TENM3: variants seen among roughly 807,000 people sequenced by gnomAD.
TENM3 encodes teneurin-3.
A neutral mutation model predicts 255.1 loss-of-function variants in TENM3; 63 were observed. The ratio of observed to expected loss-of-function variants is 0.25; its 90% CI spans 0.20 to 0.30. The LOEUF (loss-of-function observed/expected upper bound fraction) is 0.30, where lower values mean the gene tolerates loss of function less well. TENM3 is among the 10% of genes least tolerant of loss of function. TENM3 has a pLI of 1.00. For missense variants in TENM3, 2,929 were observed against 3,461.1 expected (o/e 0.85, Z 3.86); for synonymous variants, 1,306 against 1,322.3 (o/e 0.99, Z 0.27).
At chr4:181,537,363 C>T in the TENM3 span, among the ~76,000 whole-genome samples, 2 of 152,144 alleles carry the variant, frequency 1.3e-5, no homozygotes, top group African/African-American at 4.8e-5. Context: ...CTGTAATTTA[C>T]AAATGCCAGC....
the TENM3 span, among the ~76,000 whole-genome samples, chr4:181,616,459 A>G: frequency 3.0e-4 from 45 of 148,632 alleles, no homozygotes; most frequent in African/African-American, 1.0e-3. Context: ...ATAATGTAAT[A>G]TTATCCATAT....
chr4:181,542,489 G>A, the TENM3 span, among the ~76,000 whole-genome samples: 3 of 152,172 alleles, frequency 2.0e-5, no homozygotes, highest in African/African-American at 4.8e-5. Flanking sequence ...GGAGAAGTAA[G>A]GTTACCTGTT....
intron 24 of TENM3, among the ~76,000 whole-genome samples, chr4:182,786,551 C>T (rs922900078): frequency 8.5e-5 from 11 of 128,858 alleles, no homozygotes; most frequent in Admixed American, 5.5e-4. Context: ...AGTGAGACCC[C>T]GTCTTAAAAA....
the TENM3 span, chr4:182,012,610 G>A: frequency 6.6e-6 from 1 of 152,246 alleles, no homozygotes; most frequent in African/African-American, 2.4e-5. Flanking sequence ...TGCAACATGT[G>A]GTGGATAACA....
intron 12 of TENM3, among the ~76,000 whole-genome samples, chr4:182,689,468 T>C (rs566248400): frequency 1.5e-4 from 23 of 152,338 alleles, no homozygotes; most frequent in Non-Finnish European, 2.9e-4. Context: ...CTTACTGACA[T>C]CCTTGACATC....
the TENM3 span, among the ~76,000 whole-genome samples, chr4:182,066,717 T>G: frequency 6.6e-6 from 1 of 151,840 alleles, no homozygotes; most frequent in East Asian, 1.9e-4. Flanking sequence ...GAGACCGTCC[T>G]GGCTAACACC....
intron 1 of TENM3, among the ~76,000 whole-genome samples, chr4:182,172,473 A>G (rs1752172960): frequency 6.6e-6 from 1 of 152,198 alleles, no homozygotes; most frequent in African/African-American, 2.4e-5. Flanking sequence ...ACTCAACCTT[A>G]GAAATTTGAC....
the TENM3 span, among the ~76,000 whole-genome samples, chr4:181,637,059 G>T: frequency 1.3e-5 from 2 of 152,122 alleles, no homozygotes; most frequent in African/African-American, 4.8e-5. Flanking sequence ...ATACCCATAT[G>T]CCTTGCTCTC....
At chr4:181,664,734 C>T in the TENM3 span, among the ~76,000 whole-genome samples, 86 of 152,168 alleles carry the variant, frequency 5.7e-4, 2 homozygotes, top group Middle Eastern at 3.4e-3. Context: ...CAGGACTTGG[C>T]GGCCCGTGAT....
At position 182,799,576 on chromosome 4, in the gene TENM3, C is replaced by T. The variant is rs1476195022; in HGVS notation, c.7345-20C>T. 1 of 1,532,190 alleles carries T rather than the reference C, an allele frequency of 6.5e-7. No homozygotes were observed. The highest frequency in any genetic ancestry group is 8.7e-7 in the Non-Finnish European group (1 of 1,145,334). The allele number at this position is 1,532,190 out of a possible 1,614,324, so 94.9% of individuals were successfully genotyped here. On this transcript the variant is annotated intron_variant, in intron 27 of 27. Coordinates refer to ENST00000511685, the MANE Select transcript of TENM3 (RefSeq NM_001080477.4). The surrounding 1 kb of genome is among the most constrained non-coding windows in gnomAD (Gnocchi z 4.2). Reference sequence around the variant, plus strand: ...CTCCCGGCCGCCTCTGACGCGCCCCCTCTTTTGTTTCGCCCGCAGCCCATC... The same window carrying T: ...CTCCCGGCCGCCTCTGACGCGCCCCTTCTTTTGTTTCGCCCGCAGCCCATC...
Position 182,754,582 on chromosome 4 carries a change from C to T in TENM3, c.4215C>T (p.Ala1405=), listed in dbSNP as rs898256950. ...CGGTGCAGACAACACTGGAATCAGC[C>T]ACTGCCATTGCTGTGTCCTACAGTG... The part of the protein sequence containing the change: ...KHAVQTTLES[A]TAIAVSYSGV... Residue 1405 remains alanine (A), a synonymous_variant, in exon 22 of 28, where the codon GCC becomes GCT. Transcript: ENST00000511685. The surrounding 1 kb of genome is among the most constrained non-coding windows in gnomAD (Gnocchi z 5.1). 1.9e-6 allele frequency: 3 copies of T among 1,613,990 alleles called. No individual in the cohort carries two copies. Among genetic ancestry groups the T allele is most frequent in the Non-Finnish European group, 1.7e-6 (2 of 1,179,880 alleles).
At chr4:181,581,974 C>T in the TENM3 span, among the ~76,000 whole-genome samples, 1 of 152,182 alleles carries the variant, frequency 6.6e-6, no homozygotes, top group Non-Finnish European at 1.5e-5. Flanking sequence ...CTCAGGCGAT[C>T]TGCCTGCCTC....
chr4:182,266,805 G>T (rs1222023080), intron 1 of TENM3, among the ~76,000 whole-genome samples: 1 of 152,116 alleles, frequency 6.6e-6, no homozygotes, highest in Non-Finnish European at 1.5e-5. Flanking sequence ...TTTAGTGTAT[G>T]TTATTAATAA....
At chr4:181,750,247 A>G in the TENM3 span, among the ~76,000 whole-genome samples, 1 of 152,126 alleles carries the variant, frequency 6.6e-6, no homozygotes, top group African/African-American at 2.4e-5. Flanking sequence ...ACCTCAAGAG[A>G]GGAGAGCAGA....
chr4:181,750,370 C>G, the TENM3 span, among the ~76,000 whole-genome samples: 1 of 152,152 alleles, frequency 6.6e-6, no homozygotes, highest in African/African-American at 2.4e-5. Flanking sequence ...CTGTGCTTAA[C>G]AGTTTTACCA....
At chr4:181,890,615 G>A in the TENM3 span, among the ~76,000 whole-genome samples, 3 of 151,836 alleles carry the variant, frequency 2.0e-5, no homozygotes, top group Non-Finnish European at 1.5e-5. Context: ...TTATTCTAAC[G>A]TGTTAGACTA....
At chr4:182,455,544 A>G (rs1232050150) in intron 3 of TENM3, among the ~76,000 whole-genome samples, 1 of 136,658 alleles carries the variant, frequency 7.3e-6, no homozygotes, top group East Asian at 2.2e-4. Context: ...GCTGACTTGC[A>G]TGGTATTTCT....
chr4:182,055,434 G>C, the TENM3 span, among the ~76,000 whole-genome samples: 4 of 152,076 alleles, frequency 2.6e-5, no homozygotes, highest in Non-Finnish European at 5.9e-5. Flanking sequence ...TCACGCTCTG[G>C]CTCGGTTAAG....
chr4:182,623,577 G>A (rs1021406253), intron 4 of TENM3, among the ~76,000 whole-genome samples: 1 of 151,870 alleles, frequency 6.6e-6, no homozygotes, highest in African/African-American at 2.4e-5. Context: ...TGATCCACCC[G>A]CTGCGGCCTT....
Sources: allele counts gnomAD v4.1 joint callset (sites outside exome capture counted in the v4.1 genomes callset), GRCh38; gene constraint gnomAD v4.1.1; non-coding constraint Gnocchi (gnomAD v3.1); transcripts MANE v1.5; gene names NCBI Gene and HGNC (gene_info 2026-07-23, HGNC 2026-07-21).